TGS1: variants seen among roughly 807,000 people sequenced by gnomAD.
TGS1 encodes trimethylguanosine synthase 1.
TGS1 carries 69 observed loss-of-function variants against 92.2 expected under a neutral mutation model. That is an observed-to-expected ratio of 0.75 (90% CI 0.62 to 0.91). The LOEUF (loss-of-function observed/expected upper bound fraction) is 0.91. Among genes scored for constraint, TGS1 ranks in the 40% least tolerant of loss-of-function variants. TGS1 has a pLI of 0.00. For missense variants in TGS1, 1,062 were observed against 1,001.2 expected (o/e 1.06, Z -0.82); for synonymous variants, 345 against 338.1 (o/e 1.02, Z -0.22).
rs943258186 is a variant in TGS1 at position 55,783,700 on chromosome 8, G to A, written c.166+888G>A. On this transcript the variant is annotated intron_variant, in intron 2 of 12. Coordinates refer to ENST00000260129, the MANE Select transcript of TGS1 (RefSeq NM_024831.8). ...TCCTAGACACAGAGAAAATTACAGC[G>A]TGGAGTTAGAAGCCAAAGTCAGCCC... is the stretch of plus-strand genomic sequence containing the variant. Among the ~76,000 whole-genome samples the A allele has an allele frequency of 1.1e-4, 16 of 152,110 alleles. 1 individual carries two copies. Among genetic ancestry groups the A allele is most frequent in the Admixed American group, 8.5e-4 (13 of 15,272 alleles).
chr8:55,780,200 C>T (rs1470386651), intron 1 of TGS1, among the ~76,000 whole-genome samples: 3 of 131,394 alleles, frequency 2.3e-5, no homozygotes, highest in Admixed American at 8.5e-5. Context: ...GTCAGAGATT[C>T]GCTCTGCTGC....
intron 11 of TGS1, among the ~76,000 whole-genome samples, chr8:55,811,743 G>A (rs1398624382): frequency 2.6e-5 from 4 of 151,900 alleles, no homozygotes; most frequent in African/African-American, 9.7e-5. Flanking sequence ...CCTGGGCAAC[G>A]GAGCGAGACT....
rs2130278677 is a variant in TGS1, at chr8:55,826,413, A to G, written c.*1710A>G. ...CACTAATCACACAGGGATAAAACTA[A>G]TAGACTGTTAAGATTGTCAGTACTC... On this transcript the variant is annotated 3_prime_UTR_variant, in exon 13 of 13. Coordinates refer to ENST00000260129, the MANE Select transcript of TGS1 (RefSeq NM_024831.8). 6.6e-6 allele frequency among the ~76,000 whole-genome samples: 1 copy of G among 152,330 alleles called. No individual in the cohort carries two copies.
intron 8 of TGS1, 122 bp downstream of exon 8, chr8:55,799,342 T>A: frequency 1.1e-6 from 1 of 943,884 alleles, no homozygotes. Flanking sequence ...TACTTATTTT[T>A]AAGTGAGAGA....
At chr8:55,818,805 G>A (rs1803553637) in intron 12 of TGS1, among the ~76,000 whole-genome samples, 1 of 152,220 alleles carries the variant, frequency 6.6e-6, no homozygotes. Context: ...GCCACACATA[G>A]TGCTACCTGC....
At chr8:55,809,838 C>T (rs1040302474) in intron 10 of TGS1, among the ~76,000 whole-genome samples, 3 of 152,138 alleles carry the variant, frequency 2.0e-5, no homozygotes, top group South Asian at 2.1e-4. Context: ...TTAACTGAAT[C>T]GATTTGATGT....
At position 55,785,868 on chromosome 8, in the gene TGS1, A is replaced by G; in HGVS notation, c.316A>G (p.Ile106Val). 1 of 1,605,190 alleles carries G rather than the reference A, an allele frequency of 6.2e-7. No homozygotes were observed. Among genetic ancestry groups the G allele is most frequent in the Non-Finnish European group, 8.5e-7 (1 of 1,177,342 alleles). The change falls in exon 3 of 13, where the codon ATA (isoleucine) becomes GTA (valine). Residue 106 changes from isoleucine (I) to valine (V), a missense_variant. Coordinates refer to ENST00000260129, the MANE Select transcript of TGS1 (RefSeq NM_024831.8). ...GGGATTGCCACTTCAATTTGGTAGG[A>G]TAACTGCACATAAGGATTTTGAGGT... is the stretch of plus-strand genomic sequence containing the variant. ...SMGLPLQFGR[I>V]TAHKDFEVSM...
chr8:55,798,952 T>C lies in TGS1; in HGVS notation c.1581T>C (p.Asp527=), dbSNP rs779901175. 6.2e-7 allele frequency: 1 copy of C among 1,612,442 alleles called. No individual in the cohort carries two copies. Among genetic ancestry groups the C allele is most frequent in the Non-Finnish European group, 8.5e-7 (1 of 1,179,588 alleles). Residue 527 remains aspartate (D), a synonymous_variant, in exon 8 of 13, where the codon GAT becomes GAC. Coordinates refer to ENST00000260129, the MANE Select transcript of TGS1 (RefSeq NM_024831.8). ...TCACATGGGTTAATAAACCAATGGA[T>C]GAAGAAGCATCACAGGAATCATCTT... ...KFLTWVNKPM[D]EEASQESSSH... is the part of the protein sequence containing the mutation.
At chr8:55,806,924 A>T (rs941483651) in intron 10 of TGS1, among the ~76,000 whole-genome samples, 8 of 146,452 alleles carry the variant, frequency 5.5e-5, no homozygotes, top group African/African-American at 7.5e-5. Context: ...TATTTATTTA[A>T]TTTTTTTTTT....
chr8:55,774,790 A>G (rs16922233), intron 1 of TGS1, among the ~76,000 whole-genome samples: 2,149 of 152,316 alleles, frequency 0.014, 43 homozygotes, highest in African/African-American at 0.049. Flanking sequence ...TGCTGTGAAA[A>G]CAAATAACTT....
At chr8:55,808,469 C>T (rs1465363706) in intron 10 of TGS1, among the ~76,000 whole-genome samples, 1 of 151,916 alleles carries the variant, frequency 6.6e-6, no homozygotes. Flanking sequence ...ATTACTCAAA[C>T]CGTCTATATG....
In TGS1 at chr8:55,824,590, T is replaced by A; in HGVS notation, c.2449T>A (p.Leu817Ile). ...RNADIDQVAS[L>I]AGPGGQVEIE... ...CTGTTCATCTTTTTAGGTGGCATCC[T>A]TAGCTGGGCCTGGAGGGCAAGTGGA... The change falls in exon 13 of 13, where the codon TTA becomes ATA. Residue 817 changes from leucine (L) to isoleucine (I), a missense_variant. By Grantham distance (5) the Leu-to-Ile change is conservative. Transcript: ENST00000260129. 3 of 1,614,204 alleles carry A rather than the reference T, an allele frequency of 1.9e-6. No individual in the cohort carries two copies. Among genetic ancestry groups the A allele is most frequent in the Non-Finnish European group, 2.5e-6 (3 of 1,180,030 alleles).
chr8:55,801,374 G>A (rs1021106570), intron 8 of TGS1, among the ~76,000 whole-genome samples: 1 of 147,330 alleles, frequency 6.8e-6, no homozygotes, highest in Non-Finnish European at 1.5e-5. Context: ...AGGTTCAAGC[G>A]ATTCTTCTGC....
chr8:55,786,197 C>A, intron 3 of TGS1, 41 bp from the exon 4 acceptor site: 1 of 1,053,446 alleles, frequency 9.5e-7, no homozygotes, highest in Non-Finnish European at 1.3e-6. Flanking sequence ...TTTTATAGTT[C>A]ATAAAGTGCA....
intron 12 of TGS1, among the ~76,000 whole-genome samples, chr8:55,819,576 G>T (rs549125571): frequency 4.6e-5 from 7 of 151,814 alleles, no homozygotes; most frequent in Non-Finnish European, 8.8e-5. Context: ...GGGATTACAG[G>T]TGTGAGCCAC....
intron 12 of TGS1, among the ~76,000 whole-genome samples, chr8:55,820,444 A>G (rs529055711): frequency 6.8e-4 from 104 of 152,318 alleles, no homozygotes; most frequent in Non-Finnish European, 1.3e-3. Context: ...AGGCTGAGGC[A>G]GGAGAATCGC....
chr8:55,813,583 T>G (rs1803394212), intron 12 of TGS1, among the ~76,000 whole-genome samples: 1 of 152,252 alleles, frequency 6.6e-6, no homozygotes, highest in Non-Finnish European at 1.5e-5. Context: ...ATTCTGAATT[T>G]CACTGTAATG....
At chr8:55,813,192 A>T (rs7000157) in intron 12 of TGS1, 74 bp downstream of exon 12, 129,424 of 1,047,566 alleles carry the variant, frequency 0.12, 9,210 homozygotes, top group African/African-American at 0.26. Flanking sequence ...TACAGGACAT[A>T]TCCTTACCAG....
At chr8:55,822,101 ACT>A (rs1803658545) in intron 12 of TGS1, among the ~76,000 whole-genome samples, 2 of 147,922 alleles carry the variant, frequency 1.4e-5, no homozygotes, top group African/African-American at 5.0e-5. Context: ...GCAGAGTCTC[ACT>A]CTGTCGCCCA....
Sources: allele counts gnomAD v4.1 joint callset (sites outside exome capture counted in the v4.1 genomes callset), GRCh38; gene constraint gnomAD v4.1.1; transcripts MANE v1.5; gene names NCBI Gene and HGNC (gene_info 2026-07-23, HGNC 2026-07-21).